ZBTB20: variants seen among roughly 807,000 people sequenced by gnomAD.
The protein encoded by ZBTB20 is zinc finger and BTB domain containing 20.
ZBTB20 carries 9 observed loss-of-function variants against 56.9 expected under a neutral mutation model. That is an observed-to-expected ratio of 0.16 (90% CI 0.10 to 0.28). The LOEUF is 0.28. ZBTB20 is among the 10% of genes least tolerant of loss of function. ZBTB20 has a pLI of 1.00. For synonymous variants in ZBTB20, 417 were observed against 420.7 expected, an observed-to-expected ratio of 0.99 and a Z score of 0.11; for missense variants, 655 against 1,003.0, an observed-to-expected ratio of 0.65 and a Z score of 4.69.
At chr3:114,699,064 T>C (rs1287964023) in intron 5 of ZBTB20, among the ~76,000 whole-genome samples, 1 of 152,130 alleles carries the variant, frequency 6.6e-6, no homozygotes, top group Admixed American at 6.6e-5. Flanking sequence ...AAGAGAAATA[T>C]CAGGCAGTTA....
At chr3:114,354,585 T>C (rs1560123259) in intron 10 of ZBTB20, among the ~76,000 whole-genome samples, 1 of 37,500 alleles carries the variant, frequency 2.7e-5, no homozygotes, top group Non-Finnish European at 7.6e-5. Flanking sequence ...TTTGTTTTGT[T>C]TGTTTTTTTT....
At chr3:115,027,113 T>A (rs185909199) in intron 2 of ZBTB20, among the ~76,000 whole-genome samples, 2,313 of 151,106 alleles carry the variant, frequency 0.015, 33 homozygotes, top group South Asian at 0.05. Flanking sequence ...CTGTCAAAAA[T>A]TTTTGCTACT....
At chr3:114,381,099 C>A (rs1269682187) in intron 8 of ZBTB20, among the ~76,000 whole-genome samples, 159 bp from the exon 9 acceptor site, 1 of 152,044 alleles carries the variant, frequency 6.6e-6, no homozygotes, top group Non-Finnish European at 1.5e-5. Flanking sequence ...GCAGCCTGTA[C>A]GGATGAGGGG....
chr3:114,553,343 G>A (rs73224510), intron 6 of ZBTB20, among the ~76,000 whole-genome samples: 1,766 of 152,214 alleles, frequency 0.012, 10 homozygotes, highest in Non-Finnish European at 0.019. Context: ...ATAATTGAAA[G>A]TATAATTTAA....
At chr3:114,391,042 C>G (rs2085826874) in intron 7 of ZBTB20, among the ~76,000 whole-genome samples, 1 of 151,930 alleles carries the variant, frequency 6.6e-6, no homozygotes. Flanking sequence ...GTAGATTCTA[C>G]TCTGATTGTG....
chr3:115,010,529 A>G (rs1397197772), intron 2 of ZBTB20, among the ~76,000 whole-genome samples: 1 of 151,974 alleles, frequency 6.6e-6, no homozygotes, highest in African/African-American at 2.4e-5. Context: ...ATTCTCCCAG[A>G]TCTTAGCCAA....
At chr3:114,925,108 C>G (rs982423546) in intron 3 of ZBTB20, among the ~76,000 whole-genome samples, 1 of 151,182 alleles carries the variant, frequency 6.6e-6, no homozygotes, top group African/African-American at 2.4e-5. Flanking sequence ...CTCAGCCTCC[C>G]TAGTAGCTGG....
intron 2 of ZBTB20, among the ~76,000 whole-genome samples, chr3:114,990,111 T>C (rs1271742883): frequency 6.6e-6 from 1 of 152,204 alleles, no homozygotes; most frequent in Non-Finnish European, 1.5e-5. Context: ...TCCTGCCTGA[T>C]TGCCCTGGCC....
chr3:114,834,841 T>G (rs1482402597), intron 4 of ZBTB20, among the ~76,000 whole-genome samples: 1 of 152,126 alleles, frequency 6.6e-6, no homozygotes, highest in Non-Finnish European at 1.5e-5. Context: ...AAGCCTGGAT[T>G]TTTTTTATCT....
intron 3 of ZBTB20, among the ~76,000 whole-genome samples, chr3:114,916,910 T>C (rs2075766272): frequency 1.3e-5 from 2 of 152,188 alleles, no homozygotes; most frequent in African/African-American, 4.8e-5. Context: ...AACCTTCTTG[T>C]GCTTGAATAA....
intron 7 of ZBTB20, among the ~76,000 whole-genome samples, chr3:114,491,439 T>A (rs1390459605): frequency 6.6e-6 from 1 of 152,192 alleles, no homozygotes; most frequent in Non-Finnish European, 1.5e-5. Context: ...CCCCGCTTAT[T>A]CTTAGCAGGA....
chr3:114,531,949 T>C (rs2669885), intron 6 of ZBTB20, among the ~76,000 whole-genome samples: 39,738 of 152,128 alleles, frequency 0.26, 5,654 homozygotes, highest in African/African-American at 0.39. Context: ...GTTCGGTGTA[T>C]TCCAGCCCAG....
chr3:114,861,722 C>T (rs1230427513), intron 4 of ZBTB20: 1 of 17,852 alleles, frequency 5.6e-5, no homozygotes, highest in African/African-American at 6.2e-5. Flanking sequence ...CACACACACC[C>T]CCCAAAAACG....
intron 6 of ZBTB20, among the ~76,000 whole-genome samples, chr3:114,643,283 C>G (rs1200440238): frequency 6.6e-6 from 1 of 152,010 alleles, no homozygotes; most frequent in African/African-American, 2.4e-5. Context: ...CTTAGTTGCT[C>G]CATGTGCTAC....
intron 4 of ZBTB20, among the ~76,000 whole-genome samples, chr3:114,866,863 C>T (rs184438283): frequency 3.3e-5 from 5 of 152,278 alleles, no homozygotes; most frequent in South Asian, 2.1e-4. Flanking sequence ...AATTGGCTCT[C>T]TGGGGTCTCT....
intron 2 of ZBTB20, among the ~76,000 whole-genome samples, chr3:115,053,337 A>G (rs77219253): frequency 1.3e-5 from 2 of 152,314 alleles, no homozygotes; most frequent in East Asian, 3.9e-4. Flanking sequence ...TCAGTTCAGA[A>G]CCATATAAAG....
chr3:115,082,910 T>C (rs894187038), intron 1 of ZBTB20, among the ~76,000 whole-genome samples: 1 of 152,068 alleles, frequency 6.6e-6, no homozygotes, highest in Admixed American at 6.6e-5. Context: ...CAATATAAAC[T>C]TTACTCTGAC....
chr3:114,342,475 T>G (rs979757982), intron 11 of ZBTB20, among the ~76,000 whole-genome samples: 1 of 152,216 alleles, frequency 6.6e-6, no homozygotes, highest in Non-Finnish European at 1.5e-5. Context: ...TCCTTCACTT[T>G]AAATGATCCA....
chr3:115,108,965 C>G (rs191287164), intron 1 of ZBTB20, among the ~76,000 whole-genome samples: 52 of 152,038 alleles, frequency 3.4e-4, no homozygotes, highest in Non-Finnish European at 6.6e-4. Flanking sequence ...ATAAGCTGAT[C>G]TTAAATGATA....
Sources: allele counts gnomAD v4.1 joint callset (sites outside exome capture counted in the v4.1 genomes callset), GRCh38; gene constraint gnomAD v4.1.1; transcripts MANE v1.5; gene names NCBI Gene and HGNC (gene_info 2026-07-23, HGNC 2026-07-21).